The following GRID2 variants were observed in gnomAD, a reference collection of about 807,000 sequenced individuals.
GRID2 encodes glutamate receptor ionotropic, delta-2.
A neutral mutation model predicts 114.8 loss-of-function variants in GRID2; 33 were observed. That is an observed-to-expected ratio of 0.29 (90% CI 0.22 to 0.38). GRID2 has a LOEUF of 0.38. Ranked by LOEUF, GRID2 falls within the 10% of genes least tolerant of loss-of-function variation. The pLI is 1.00. For missense variants in GRID2, 1,184 were observed against 1,257.7 expected, an observed-to-expected ratio of 0.94 and a Z score of 0.89; for synonymous variants, 505 against 449.9, an observed-to-expected ratio of 1.12 and a Z score of -1.55.
intron 4 of GRID2, among the ~76,000 whole-genome samples, chr4:93,153,893 T>C (rs1386407982): frequency 6.6e-6 from 1 of 152,110 alleles, no homozygotes; most frequent in African/African-American, 2.4e-5. Flanking sequence ...AACAGATTTT[T>C]AGATGTACAA....
At chr4:93,616,414 G>T (rs896208934) in intron 13 of GRID2, among the ~76,000 whole-genome samples, 1 of 151,394 alleles carries the variant, frequency 6.6e-6, no homozygotes, top group South Asian at 2.1e-4. Context: ...CAGTGTGATG[G>T]TGCACACCTG....
At position 92,587,106 on chromosome 4, in the gene GRID2, GTGTGT is replaced by G. The variant is rs1560474434; in HGVS notation, c.89-3024_89-3020del. On this transcript the variant is annotated intron_variant, in intron 1 of 15. Coordinates refer to ENST00000282020, the MANE Select transcript of GRID2 (RefSeq NM_001510.4). ...AGAGTACTGATGAAATGCTGTGTGT[GTGTGT>G]GTGTGTGTGTGTGTGTGTGTGTGTG... Among the ~76,000 whole-genome samples the G allele has an allele frequency of 4.6e-3, 677 of 146,638 alleles. 5 individuals carry two copies. Among genetic ancestry groups the G allele is most frequent in the Non-Finnish European group, 8.5e-3 (565 of 66,552 alleles).
chr4:93,533,243 TCTCTTCCTTCCTTCCTTC>T (rs1731634403), intron 13 of GRID2, among the ~76,000 whole-genome samples: 1 of 148,926 alleles, frequency 6.7e-6, no homozygotes, highest in Non-Finnish European at 1.5e-5. Flanking sequence ...CCTTTCTTTC[TCTCTTCCTTCCTTCCTTC>T]CTTCCTTCCT....
At chr4:93,469,235 A>C (rs776614051) in intron 11 of GRID2, among the ~76,000 whole-genome samples, 1 of 152,020 alleles carries the variant, frequency 6.6e-6, no homozygotes, top group African/African-American at 2.4e-5. Context: ...TTCTCAATCA[A>C]CCTAGTTTCT....
intron 14 of GRID2, among the ~76,000 whole-genome samples, chr4:93,671,381 G>A (rs1464671317): frequency 6.6e-6 from 1 of 152,144 alleles, no homozygotes. Flanking sequence ...TGGGACATGA[G>A]CACTGCATTG....
intron 11 of GRID2, 62 bp downstream of exon 11, chr4:93,456,036 T>C: frequency 1.1e-6 from 1 of 951,048 alleles, no homozygotes; most frequent in Non-Finnish European, 1.7e-6. Flanking sequence ...TCCAAAGCCA[T>C]GTATTCAGTT....
chr4:92,619,406 C>T (rs991516560), intron 2 of GRID2, among the ~76,000 whole-genome samples: 3 of 151,656 alleles, frequency 2.0e-5, no homozygotes, highest in Non-Finnish European at 4.4e-5. Context: ...TATCAAGGAC[C>T]ACTGTGTTGC....
intron 2 of GRID2, among the ~76,000 whole-genome samples, chr4:93,035,870 T>G (rs1578810017): frequency 6.6e-6 from 1 of 152,206 alleles, no homozygotes; most frequent in African/African-American, 2.4e-5. Context: ...TGTAGTGTTT[T>G]ACTCCTTGGT....
intron 13 of GRID2, among the ~76,000 whole-genome samples, chr4:93,596,557 G>A (rs572840259): frequency 1.3e-5 from 2 of 151,858 alleles, no homozygotes; most frequent in African/African-American, 2.4e-5. Flanking sequence ...CAGCCTGGGC[G>A]ACAGAGTGAG....
chr4:92,953,122 A>T (rs1271906099), intron 2 of GRID2, among the ~76,000 whole-genome samples: 1 of 152,110 alleles, frequency 6.6e-6, no homozygotes, highest in East Asian at 1.9e-4. Flanking sequence ...CACTCTAATG[A>T]TCTCACCTTT....
intron 1 of GRID2, among the ~76,000 whole-genome samples, chr4:92,456,734 C>A (rs139896684): frequency 6.6e-6 from 1 of 152,100 alleles, no homozygotes; most frequent in Admixed American, 6.5e-5. Flanking sequence ...CAGCAATATA[C>A]AAGCTACTGT....
chr4:93,016,535 C>T (rs1276704362), intron 2 of GRID2, among the ~76,000 whole-genome samples: 2 of 152,136 alleles, frequency 1.3e-5, no homozygotes, highest in Non-Finnish European at 2.9e-5. Context: ...CCATGCACTG[C>T]CTCTCTGCCC....
chr4:93,707,231 T>G (rs1488520640), intron 14 of GRID2, among the ~76,000 whole-genome samples: 1 of 152,110 alleles, frequency 6.6e-6, no homozygotes, highest in Non-Finnish European at 1.5e-5. Context: ...TAAGTTGGGA[T>G]GTATTCTCTC....
intron 2 of GRID2, among the ~76,000 whole-genome samples, chr4:92,940,263 T>C (rs1241870705): frequency 2.0e-5 from 3 of 146,966 alleles, no homozygotes; most frequent in African/African-American, 7.3e-5. Context: ...TTGTAGTTTT[T>C]CTTGAAGAGG....
At chr4:92,807,970 C>T (rs1223773948) in intron 2 of GRID2, among the ~76,000 whole-genome samples, 1 of 151,920 alleles carries the variant, frequency 6.6e-6, no homozygotes, top group Admixed American at 6.6e-5. Context: ...GCAAAAAGGA[C>T]TTTACGGATA....
chr4:92,936,844 TTTTG>T (rs1218902909), intron 2 of GRID2, among the ~76,000 whole-genome samples: 1 of 146,572 alleles, frequency 6.8e-6, no homozygotes, highest in Admixed American at 7.4e-5. Context: ...TATATGTATG[TTTTG>T]TTTGTTTGAA....
chr4:92,899,015 T>C (rs1747372769), intron 2 of GRID2, among the ~76,000 whole-genome samples: 1 of 152,072 alleles, frequency 6.6e-6, no homozygotes, highest in Non-Finnish European at 1.5e-5. Flanking sequence ...GTATATAAAA[T>C]CATATTAAAG....
At chr4:92,660,157 T>G (rs1202704675) in intron 2 of GRID2, among the ~76,000 whole-genome samples, 1 of 151,384 alleles carries the variant, frequency 6.6e-6, no homozygotes, top group African/African-American at 2.4e-5. Context: ...TTTTAATGGC[T>G]AATCATGCAA....
chr4:93,797,918 C>T (rs963028519), intron 1 of GRID2, among the ~76,000 whole-genome samples: 14 of 150,844 alleles, frequency 9.3e-5, no homozygotes, highest in East Asian at 3.9e-4. Context: ...TTTGGGAGGC[C>T]GAGCCAGGTG....
Sources: allele counts gnomAD v4.1 joint callset (sites outside exome capture counted in the v4.1 genomes callset), GRCh38; gene constraint gnomAD v4.1.1; transcripts MANE v1.5; gene names NCBI Gene and HGNC (gene_info 2026-07-23, HGNC 2026-07-21).